Variants in MARK2 observed in about 807,000 individuals in gnomAD.
The protein encoded by MARK2 is microtubule affinity regulating kinase 2.
Under a neutral mutation model 89.8 loss-of-function variants are expected in MARK2, and 16 were observed. The ratio of observed to expected loss-of-function variants is 0.18; its 90% CI spans 0.12 to 0.27. The LOEUF is 0.27. MARK2 is among the 10% of genes least tolerant of loss of function. MARK2 has a pLI of 1.00. For synonymous variants in MARK2, 382 were observed against 399.5 expected (o/e 0.96, Z 0.52); for missense variants, 621 against 1,049.9 (o/e 0.59, Z 5.65).
At chr11:63,841,526 G>A (rs2016016709) in intron 1 of MARK2, among the ~76,000 whole-genome samples, 1 of 152,088 alleles carries the variant, frequency 6.6e-6, no homozygotes, top group South Asian at 2.1e-4. Context: ...CTCCTTACTG[G>A]GAATTGCTTT....
At chr11:63,870,339 T>C (rs1938374649) in intron 1 of MARK2, among the ~76,000 whole-genome samples, 1 of 152,028 alleles carries the variant, frequency 6.6e-6, no homozygotes, top group African/African-American at 2.4e-5. Flanking sequence ...TCCCAGAGTG[T>C]TGGGATTGCA....
chr11:63,868,378 C>T (rs763183323), intron 1 of MARK2: 3 of 160,376 alleles, frequency 1.9e-5, no homozygotes, highest in Non-Finnish European at 4.1e-5. Flanking sequence ...TTCTCCATTA[C>T]AGTTACCCTT....
rs536375070 is a variant in MARK2 at position 63,854,644 on chromosome 11, G to A, written c.54+15084G>A. On this transcript the variant is annotated intron_variant, in intron 1 of 18. Coordinates refer to ENST00000402010, the MANE Select transcript of MARK2 (RefSeq NM_001039469.3). Reference sequence around the variant, plus strand: ...GAGGTAAGGAGTTCGAGACCAGCCTGTCCAACATGGTGAAACCCTGTCTCT... The same window carrying A: ...GAGGTAAGGAGTTCGAGACCAGCCTATCCAACATGGTGAAACCCTGTCTCT... Among the ~76,000 whole-genome samples the A allele has an allele frequency of 2.6e-5, 4 of 151,864 alleles. No individual in the cohort carries two copies. The East Asian group carries it at 7.9e-4, about 30-fold the overall frequency.
chr11:63,865,974 A>G (rs1198926367), intron 1 of MARK2, among the ~76,000 whole-genome samples: 15 of 152,080 alleles, frequency 9.9e-5, no homozygotes, highest in Admixed American at 8.5e-4. Flanking sequence ...TGTCTCTTCT[A>G]CCCTGCTCTC....
At chr11:63,882,187 T>C (rs1301900199) in intron 1 of MARK2, among the ~76,000 whole-genome samples, 2 of 150,472 alleles carry the variant, frequency 1.3e-5, no homozygotes. Context: ...CATTCTTTTT[T>C]CTTATTATTT....
Position 63,879,306 on chromosome 11 carries a change from C to CA in MARK2, c.55-15843dup, listed in dbSNP as rs55729409. On this transcript the variant is annotated intron_variant, in intron 1 of 18. Coordinates refer to ENST00000402010, the MANE Select transcript of MARK2 (RefSeq NM_001039469.3). The stretch of plus-strand genomic sequence containing the variant: ...TGGGCGATAGAGTGAGACTCTGTCT[C>CA]AAAAAAAAAACATTTAAAAAATCAC... Among the ~76,000 whole-genome samples the CA allele has an allele frequency of 2.3e-3, 340 of 145,604 alleles. 1 individual carries two copies. The highest frequency in any genetic ancestry group is 5.3e-3 in the African/African-American group (210 of 39,612).
At chr11:63,888,045 G>A (rs560908453) in intron 1 of MARK2, among the ~76,000 whole-genome samples, 4 of 152,208 alleles carry the variant, frequency 2.6e-5, no homozygotes, top group Admixed American at 2.6e-4. Flanking sequence ...AGTGATAAAG[G>A]CTCTTAATCT....
In MARK2 at chr11:63,900,429, G is replaced by A. The variant is rs1280520773; in HGVS notation, c.769-130G>A. ...CTCTGGTGAGGTGTCTTGTCCCCAGGCTGTCTGCCTTCTTCCATATTTCAT... is the reference window on the plus strand; with the variant it reads ...CTCTGGTGAGGTGTCTTGTCCCCAGACTGTCTGCCTTCTTCCATATTTCAT... On this transcript the variant is annotated intron_variant, in intron 8 of 18. Transcript: ENST00000402010. This position sits in a 1 kb window ranked among gnomAD's most constrained non-coding sequence, Gnocchi z 4.7. 25 of 1,119,928 alleles carry A rather than the reference G, an allele frequency of 2.2e-5. No homozygotes were observed. In the Admixed American group the frequency reaches 5.0e-4, roughly 22 times the overall value. The allele number at this position is 1,119,928 out of a possible 1,614,324, so 69.4% of individuals were successfully genotyped here. A position where few individuals can be genotyped will look rare whatever the true frequency, so the allele number is the denominator to read the frequency against.
intron 1 of MARK2, among the ~76,000 whole-genome samples, chr11:63,856,476 G>A (rs2016856260): frequency 6.6e-6 from 1 of 151,238 alleles, no homozygotes; most frequent in South Asian, 2.1e-4. Context: ...AGGCTGGAGT[G>A]CAGTGGCGTG....
At chr11:63,854,664 G>C (rs1590977167) in intron 1 of MARK2, among the ~76,000 whole-genome samples, 1 of 151,792 alleles carries the variant, frequency 6.6e-6, no homozygotes, top group African/African-American at 2.4e-5. Context: ...GTGAAACCCT[G>C]TCTCTACTAA....
Position 63,898,639 on chromosome 11 carries a change from A to C in MARK2, c.369A>C (p.Lys123Asn). The C allele has an allele frequency of 3.7e-6, 6 of 1,614,154 alleles. No individual in the cohort carries two copies. The highest frequency in any genetic ancestry group is 5.1e-6 in the Non-Finnish European group (6 of 1,180,000). ...TATTTGAAGTGATTGAGACTGAGAA[A>C]ACGCTCTACCTTGTCATGGAGTACG... is the stretch of plus-strand genomic sequence containing the variant. ...VKLFEVIETE[K>N]TLYLVMEYAS... The change falls in exon 5 of 19, where the codon AAA (lysine) becomes AAC (asparagine). Residue 123 changes from lysine to asparagine, a missense_variant. Transcript: ENST00000402010.
chr11:63,904,140 C>T lies in MARK2; in HGVS notation c.1669C>T (p.Arg557Trp), dbSNP rs1369739299. 12 of 1,578,282 alleles carry T rather than the reference C, an allele frequency of 7.6e-6. No homozygotes were observed. Among genetic ancestry groups the T allele is most frequent in the East Asian group, 2.3e-5 (1 of 43,456 alleles). Residue 557 changes from arginine (R) to tryptophan (W), a missense_variant, in exon 15 of 19, where the codon CGG becomes TGG. Physicochemically the swap from Arg to Trp is moderately radical, Grantham distance 101 (BLOSUM62 -3). Transcript: ENST00000402010. This position sits in a 1 kb window ranked among gnomAD's most constrained non-coding sequence, Gnocchi z 6.3. ...CACGGAGAGTAACTGTGAGGTGCCG[C>T]GGCCCAGGCAAGTGTGCTGGGGCAG... Reference protein sequence around the residue: ...PPTESNCEVPRPSTAPQRVPV... With the variant: ...PPTESNCEVPWPSTAPQRVPV...
Position 63,839,318 on chromosome 11 carries a change from G to A in MARK2, c.-189G>A, listed in dbSNP as rs960042559. The A allele has an allele frequency of 1.5e-5, 6 of 395,004 alleles. No individual in the cohort carries two copies. In the Admixed American group the frequency reaches 1.9e-4, roughly 12 times the overall value. The allele number at this position is 395,004 out of a possible 1,614,324, so 24.5% of individuals were successfully genotyped here. ...GTGCGGTCCGGAGCCGCTCGGAGCCGGCGCGGCCTAGCCCGAGCGGCGCAT... is the reference window on the plus strand; with the variant it reads ...GTGCGGTCCGGAGCCGCTCGGAGCCAGCGCGGCCTAGCCCGAGCGGCGCAT... On this transcript the variant is annotated 5_prime_UTR_variant, in exon 1 of 19. Transcript: ENST00000402010.
chr11:63,863,441 C>T (rs1937930055), intron 1 of MARK2, among the ~76,000 whole-genome samples: 1 of 138,896 alleles, frequency 7.2e-6, no homozygotes, highest in Non-Finnish European at 1.6e-5. Flanking sequence ...GAACTATTGC[C>T]CTCCCCCACC....
Position 63,909,191 on chromosome 11 carries a change from C to A in MARK2, c.2321C>A (p.Ala774Asp), listed in dbSNP as rs1941587608. Residue 774 changes from alanine (A) to aspartate (D), a missense_variant, in exon 19 of 19, where the codon GCC becomes GAC. Physicochemically the swap from Ala to Asp is moderately radical, Grantham distance 126 (BLOSUM62 -2). This residue lies in a region of MARK2 where 33 missense variants were observed against 74.5 expected (regional missense o/e 0.44). Transcript: ENST00000402010. ...AAGCGGATATCGGGCACCTCCATGG[C>A]CTTCAAAAACATTGCCTCCAAAATA... ...RFKRISGTSM[A>D]FKNIASKIAN... 1 of 1,602,116 alleles carries A rather than the reference C, an allele frequency of 6.2e-7. No individual in the cohort carries two copies. Among genetic ancestry groups the A allele is most frequent in the Non-Finnish European group, 8.5e-7 (1 of 1,170,104 alleles).
chr11:63,859,048 G>A (rs1937606919), intron 1 of MARK2, among the ~76,000 whole-genome samples: 1 of 150,902 alleles, frequency 6.6e-6, no homozygotes, highest in Non-Finnish European at 1.5e-5. Flanking sequence ...TATGAGGTTT[G>A]TGTTTTATTA....
intron 1 of MARK2, among the ~76,000 whole-genome samples, chr11:63,889,470 G>A (rs544100266): frequency 7.8e-4 from 119 of 152,318 alleles, no homozygotes; most frequent in African/African-American, 2.7e-3. Context: ...GACAACTGTT[G>A]GTAGGAGCCT....
At chr11:63,847,973 C>T (rs1315515754) in intron 1 of MARK2, among the ~76,000 whole-genome samples, 1 of 152,118 alleles carries the variant, frequency 6.6e-6, no homozygotes, top group African/African-American at 2.4e-5. Flanking sequence ...TCTGTCCAGG[C>T]CTGCTGGGAA....
chr11:63,862,320 C>G (rs946152459), intron 1 of MARK2, among the ~76,000 whole-genome samples: 1 of 152,162 alleles, frequency 6.6e-6, no homozygotes, highest in African/African-American at 2.4e-5. Flanking sequence ...GCTACAAACC[C>G]AGGTGGTCCA....
Sources: gnomAD v4.1 joint callset for allele counts (sites outside exome capture counted in the v4.1 genomes callset) on GRCh38, gnomAD v4.1.1 for gene constraint, gnomAD v4.1.1 regional missense constraint, Gnocchi (gnomAD v3.1) non-coding constraint, MANE v1.5 for transcripts, NCBI Gene and HGNC (gene_info 2026-07-23, HGNC 2026-07-21) for gene names.